EYA4: variants seen among roughly 807,000 people sequenced by gnomAD.
The protein encoded by EYA4 is protein phosphatase EYA4.
A neutral mutation model predicts 87.9 loss-of-function variants in EYA4; 31 were observed. The observed-to-expected ratio is 0.35, with a 90% CI of 0.27 to 0.48. EYA4 has a LOEUF of 0.48. Among genes scored for constraint, EYA4 ranks in the 20% least tolerant of loss-of-function variants. The probability of loss-of-function intolerance (pLI) is 0.99; values close to 1 mark genes in which losing one functional copy is unlikely to be tolerated. For synonymous variants in EYA4, 263 were observed against 270.6 expected (o/e 0.97, Z 0.28); for missense variants, 678 against 761.4 (o/e 0.89, Z 1.29).
intron 3 of EYA4, among the ~76,000 whole-genome samples, chr6:133,385,135 T>TA (rs1282926813): frequency 5.3e-5 from 8 of 151,342 alleles, no homozygotes; most frequent in Admixed American, 3.3e-4. Flanking sequence ...CCGTCTCTAC[T>TA]AAAAAAACAA....
chr6:133,306,099 G>A (rs1582905549), intron 2 of EYA4, among the ~76,000 whole-genome samples: 2 of 152,266 alleles, frequency 1.3e-5, no homozygotes, highest in East Asian at 3.9e-4. Flanking sequence ...AAGAGTCTGT[G>A]ATGCTTCTGG....
intron 1 of EYA4, among the ~76,000 whole-genome samples, chr6:133,269,419 A>G (rs1776501655): frequency 6.6e-6 from 1 of 152,190 alleles, no homozygotes; most frequent in Non-Finnish European, 1.5e-5. Context: ...GAGTATTTTA[A>G]ATCAATATCT....
At chr6:133,407,128 A>C (rs1640918320) in intron 3 of EYA4, among the ~76,000 whole-genome samples, 1 of 152,132 alleles carries the variant, frequency 6.6e-6, no homozygotes, top group Non-Finnish European at 1.5e-5. Context: ...AATTTGGGAA[A>C]GGTCTAATTA....
chr6:133,274,141 A>C (rs1219247989), intron 1 of EYA4, among the ~76,000 whole-genome samples: 1 of 152,172 alleles, frequency 6.6e-6, no homozygotes, highest in East Asian at 1.9e-4. Flanking sequence ...TTATCTCACC[A>C]TAGTGTATTA....
Position 133,515,399 on chromosome 6 carries a change from C to A in EYA4, c.1580C>A (p.Thr527Lys). The A allele has an allele frequency of 1.9e-6, 3 of 1,610,924 alleles. No homozygotes were observed. Among genetic ancestry groups the A allele is most frequent in the Middle Eastern group, 1.7e-4 (1 of 6,056 alleles). Residue 527 changes from threonine to lysine, a missense_variant, in exon 17 of 20, where the codon ACA (threonine) becomes AAA (lysine). Thr to Lys is a moderately conservative substitution (Grantham distance 78, BLOSUM62 -1). Transcript: ENST00000355286. Reference sequence around the variant, plus strand: ...GAAGGTCTGACAGATTCCTGGCTAACAAATGCACTTAAGTCTTTATCAATT... The same window carrying A: ...GAAGGTCTGACAGATTCCTGGCTAAAAAATGCACTTAAGTCTTTATCAATT... ...EIEGLTDSWL[T>K]NALKSLSIIS...
Position 133,354,043 on chromosome 6 carries a change from G to T in EYA4, c.34-28349G>T, listed in dbSNP as rs957134623. 5.3e-5 allele frequency among the ~76,000 whole-genome samples: 8 copies of T among 152,244 alleles called. 1 individual carries two copies. In the Middle Eastern group the frequency reaches 0.01, roughly 194 times the overall value. On this transcript the variant is annotated intron_variant, in intron 2 of 19. Coordinates refer to ENST00000355286, the MANE Select transcript of EYA4 (RefSeq NM_004100.5). ...GCTACCTTTCTGTTGTCACATTTTTGAATAGAATGCTCATAGCACCTACAG... is the reference window on the plus strand; with the variant it reads ...GCTACCTTTCTGTTGTCACATTTTTTAATAGAATGCTCATAGCACCTACAG...
intron 2 of EYA4, among the ~76,000 whole-genome samples, chr6:133,292,066 G>T (rs939996926): frequency 1.3e-5 from 2 of 152,124 alleles, no homozygotes; most frequent in African/African-American, 2.4e-5. Context: ...ATCCTAAGAG[G>T]TATTTAAAAG....
At chr6:133,243,089 C>CGTGTGTGTGTGTGT (rs3065226) in intron 1 of EYA4, among the ~76,000 whole-genome samples, 19,937 of 145,180 alleles carry the variant, frequency 0.14, 1,630 homozygotes, top group Non-Finnish European at 0.18. Context: ...GGAGCAACTT[C>CGTGTGTGTGTGTGT]GTGTGTGTGT....
At chr6:133,378,230 T>C (rs1785872504) in intron 2 of EYA4, among the ~76,000 whole-genome samples, 1 of 152,132 alleles carries the variant, frequency 6.6e-6, no homozygotes, top group Admixed American at 6.6e-5. Flanking sequence ...ATGTGTGGCC[T>C]TAAGTTGTAA....
intron 1 of EYA4, among the ~76,000 whole-genome samples, chr6:133,249,824 C>T (rs534825987): frequency 5.3e-5 from 8 of 152,204 alleles, no homozygotes; most frequent in Admixed American, 5.2e-4. Flanking sequence ...CCCAAAGCAT[C>T]CAGCTTCTAC....
intron 2 of EYA4, among the ~76,000 whole-genome samples, chr6:133,377,462 C>T (rs1470760230): frequency 6.6e-6 from 1 of 151,718 alleles, no homozygotes; most frequent in East Asian, 1.9e-4. Flanking sequence ...GGCTGGAACA[C>T]TGCCTCGGAT....
intron 2 of EYA4, among the ~76,000 whole-genome samples, chr6:133,338,460 A>G (rs1782539819): frequency 6.6e-6 from 1 of 152,182 alleles, no homozygotes; most frequent in African/African-American, 2.4e-5. Context: ...TTGAATGTGT[A>G]TTTATATTCC....
At chr6:133,387,941 G>A (rs998131698) in intron 3 of EYA4, among the ~76,000 whole-genome samples, 1 of 152,156 alleles carries the variant, frequency 6.6e-6, no homozygotes, top group Non-Finnish European at 1.5e-5. Flanking sequence ...AGATATGGAT[G>A]CAGATGGGGC....
At chr6:133,283,432 CAA>C (rs1044403280) in intron 2 of EYA4, among the ~76,000 whole-genome samples, 1 of 151,872 alleles carries the variant, frequency 6.6e-6, no homozygotes, top group African/African-American at 2.4e-5. Context: ...AGGTATTTAA[CAA>C]ATGGAAAAAT....
chr6:133,436,717 A>G (rs911832326), intron 3 of EYA4, among the ~76,000 whole-genome samples: 1 of 152,200 alleles, frequency 6.6e-6, no homozygotes, highest in Non-Finnish European at 1.5e-5. Context: ...ACTCTTGAGA[A>G]TGTGGGAAAT....
At chr6:133,486,975 A>G (rs1796737006) in intron 13 of EYA4, among the ~76,000 whole-genome samples, 1 of 151,990 alleles carries the variant, frequency 6.6e-6, no homozygotes, top group Admixed American at 6.5e-5. Context: ...TTACTGAAGG[A>G]GGCACTGAAG....
At chr6:133,423,100 A>G (rs937414502) in intron 3 of EYA4, among the ~76,000 whole-genome samples, 1 of 152,110 alleles carries the variant, frequency 6.6e-6, no homozygotes, top group East Asian at 1.9e-4. Context: ...CTAAGACACA[A>G]GGGGTTTTCA....
intron 2 of EYA4, among the ~76,000 whole-genome samples, chr6:133,291,502 T>G (rs1028489322): frequency 1.3e-5 from 2 of 152,210 alleles, no homozygotes; most frequent in South Asian, 4.1e-4. Context: ...TATATATTGC[T>G]TAACTACATA....
In EYA4 at chr6:133,530,009, A is replaced by C. The variant is rs1206306583; in HGVS notation, c.*1204A>C. 4.1e-6 allele frequency: 4 copies of C among 985,244 alleles called. No homozygotes were observed. In the African/African-American group the frequency reaches 5.2e-5, roughly 13 times the overall value. The allele number at this position is 985,244 out of a possible 1,614,324, so 61.0% of individuals were successfully genotyped here. On this transcript the variant is annotated 3_prime_UTR_variant, in exon 20 of 20. Coordinates refer to ENST00000355286, the MANE Select transcript of EYA4 (RefSeq NM_004100.5). ...AGTGCACAGGGCTTAAAATAAAGCT[A>C]AGTATGTTTATTCCCAATGCCATGG...
Sources: gnomAD v4.1 joint callset for allele counts (sites outside exome capture counted in the v4.1 genomes callset) on GRCh38, gnomAD v4.1.1 for gene constraint, MANE v1.5 for transcripts, NCBI Gene and HGNC (gene_info 2026-07-23, HGNC 2026-07-21) for gene names.